GLRA2: variants seen among roughly 807,000 people sequenced by gnomAD.
GLRA2 encodes the protein glycine receptor subunit alpha-2.
In GLRA2, 11 loss-of-function variants were observed where a neutral mutation model predicts 31.6. That is an observed-to-expected ratio of 0.35 (90% CI 0.22 to 0.58). GLRA2 has a LOEUF of 0.58. GLRA2 is among the 20% of genes least tolerant of loss of function. The probability of loss-of-function intolerance (pLI) is 0.84; values close to 1 mark genes in which losing one functional copy is unlikely to be tolerated. For missense variants in GLRA2, 212 were observed against 351.8 expected (o/e 0.60, Z 3.18); for synonymous variants, 132 against 134.0 (o/e 0.99, Z 0.10).
intron 6 of GLRA2, 75 bp downstream of exon 6, chrX:14,607,343 A>C: frequency 8.7e-5 from 70 of 808,922 alleles, no homozygotes; most frequent in Non-Finnish European, 1.1e-4. Context: ...TATACATCTC[A>C]TTACTCTAAT....
the GLRA2 span, among the ~76,000 whole-genome samples, chrX:14,523,051 T>A: frequency 8.9e-6 from 1 of 112,219 alleles, no homozygotes; most frequent in African/African-American, 3.2e-5. Context: ...GGCATCTACT[T>A]CCAATAGAAG....
chrX:14,479,248 C>T, the GLRA2 span, among the ~76,000 whole-genome samples: 1 of 112,066 alleles, frequency 8.9e-6, no homozygotes. Context: ...ATAGTTTGCT[C>T]TGTTTTCACA....
At chrX:14,673,746 A>G (rs2091116343) in intron 7 of GLRA2, among the ~76,000 whole-genome samples, 1 of 112,309 alleles carries the variant, frequency 8.9e-6, no homozygotes, top group Non-Finnish European at 1.9e-5. Context: ...TAGGGTAGGG[A>G]GTAAATGCAC....
intron 7 of GLRA2, among the ~76,000 whole-genome samples, chrX:14,614,031 T>C (rs1413730982): frequency 1.8e-5 from 2 of 112,077 alleles, no homozygotes; most frequent in Admixed American, 9.5e-5. Context: ...TTCAGTCTCA[T>C]GTACAATTCA....
chrX:14,486,407 A>G, the GLRA2 span, among the ~76,000 whole-genome samples: 2 of 112,026 alleles, frequency 1.8e-5, no homozygotes, highest in South Asian at 7.4e-4. Context: ...TAAAATTAAA[A>G]ATTCCTGTTC....
intron 2 of GLRA2, among the ~76,000 whole-genome samples, chrX:14,540,378 C>A (rs1231261925): frequency 9.0e-6 from 1 of 111,253 alleles, no homozygotes; most frequent in East Asian, 2.8e-4. Context: ...TTTGTGCTAT[C>A]CTAGCAGGAA....
At chrX:14,523,430 G>C in the GLRA2 span, among the ~76,000 whole-genome samples, 1 of 112,050 alleles carries the variant, frequency 8.9e-6, no homozygotes, top group Admixed American at 9.5e-5. Flanking sequence ...ACATTTATGT[G>C]TTCCCAGAAG....
At chrX:14,594,433 A>G (rs1487119746) in intron 4 of GLRA2, among the ~76,000 whole-genome samples, 1 of 111,447 alleles carries the variant, frequency 9.0e-6, no homozygotes, top group Non-Finnish European at 1.9e-5. Flanking sequence ...TTTTACCTTC[A>G]CCAATGTTTT....
chrX:14,537,461 C>A (rs1248009667), intron 2 of GLRA2, among the ~76,000 whole-genome samples: 1 of 111,322 alleles, frequency 9.0e-6, no homozygotes, highest in Non-Finnish European at 1.9e-5. Flanking sequence ...GTAGTATGGT[C>A]CATGGTGGCA....
At chrX:14,643,795 C>T (rs1033495679) in intron 7 of GLRA2, among the ~76,000 whole-genome samples, 6 of 112,073 alleles carry the variant, frequency 5.4e-5, no homozygotes, top group African/African-American at 1.9e-4. Context: ...GTTGACATTA[C>T]ATGTCTTTGT....
the GLRA2 span, among the ~76,000 whole-genome samples, chrX:14,475,625 G>C: frequency 9.0e-6 from 1 of 111,098 alleles, no homozygotes; most frequent in Non-Finnish European, 1.9e-5. Flanking sequence ...CTGCCTTAAA[G>C]AAGTGGCTTT....
chrX:14,577,765 A>T (rs746740476), intron 3 of GLRA2, among the ~76,000 whole-genome samples: 1 of 111,546 alleles, frequency 9.0e-6, no homozygotes, highest in African/African-American at 3.3e-5. Flanking sequence ...ATTTCAACAT[A>T]TGAATTTTGA....
chrX:14,684,906 G>C (rs1418326410), intron 7 of GLRA2, among the ~76,000 whole-genome samples: 4 of 110,823 alleles, frequency 3.6e-5, no homozygotes, highest in Non-Finnish European at 7.6e-5. Flanking sequence ...TTTTCAAAGG[G>C]AATGCTTCCA....
the GLRA2 span, among the ~76,000 whole-genome samples, chrX:14,466,014 A>G: frequency 8.9e-6 from 1 of 111,908 alleles, no homozygotes; most frequent in African/African-American, 3.3e-5. Flanking sequence ...AAATTTATCA[A>G]TGCTTATTGT....
At chrX:14,654,119 T>C (rs1394533979) in intron 7 of GLRA2, among the ~76,000 whole-genome samples, 1 of 111,376 alleles carries the variant, frequency 9.0e-6, no homozygotes, top group East Asian at 2.8e-4. Context: ...AATGAGACCC[T>C]GTCTCTTAAA....
At chrX:14,493,599 A>C in the GLRA2 span, among the ~76,000 whole-genome samples, 164 of 103,390 alleles carry the variant, frequency 1.6e-3, 1 homozygote, top group African/African-American at 5.5e-3. Context: ...ATATATACAT[A>C]TATACACATA....
At chrX:14,600,589 C>A (rs1189191513) in intron 4 of GLRA2, among the ~76,000 whole-genome samples, 1 of 110,369 alleles carries the variant, frequency 9.1e-6, no homozygotes, top group Non-Finnish European at 1.9e-5. Context: ...TTATGGGGCA[C>A]AAAGTGATGT....
intron 2 of GLRA2, among the ~76,000 whole-genome samples, chrX:14,564,550 C>A (rs1212324304): frequency 3.6e-5 from 4 of 111,982 alleles, no homozygotes; most frequent in African/African-American, 6.5e-5. Flanking sequence ...AATGTATGGG[C>A]AAATGTAAAA....
At chrX:14,713,339 T>G (rs2091739673) in intron 8 of GLRA2, among the ~76,000 whole-genome samples, 2 of 112,265 alleles carry the variant, frequency 1.8e-5, no homozygotes, top group Admixed American at 1.9e-4. Context: ...ATGTTCACCT[T>G]CATGCTTCTT....
Sources: gnomAD v4.1 joint callset for allele counts (sites outside exome capture counted in the v4.1 genomes callset) on GRCh38, gnomAD v4.1.1 for gene constraint, MANE v1.5 for transcripts, NCBI Gene and HGNC (gene_info 2026-07-23, HGNC 2026-07-21) for gene names.